LPP: variants seen among roughly 807,000 people sequenced by gnomAD.
LPP encodes the protein lipoma-preferred partner.
Under a neutral mutation model 60.4 loss-of-function variants are expected in LPP, and 38 were observed. The observed-to-expected ratio is 0.63, with a 90% CI of 0.49 to 0.83. LPP has a LOEUF of 0.83. LPP is among the 40% of genes least tolerant of loss of function. The pLI is 0.00. For synonymous variants in LPP, 328 were observed against 290.8 expected (o/e 1.13, Z -1.30); for missense variants, 902 against 783.6 (o/e 1.15, Z -1.80).
chr3:188,818,088 C>T (rs537504458), intron 9 of LPP, among the ~76,000 whole-genome samples: 159 of 152,236 alleles, frequency 1.0e-3, no homozygotes, highest in Non-Finnish European at 1.3e-3. Flanking sequence ...TTAGAAGTAA[C>T]GGGTGCATAT....
chr3:188,335,477 T>G (rs1287342233), intron 2 of LPP, among the ~76,000 whole-genome samples: 1 of 152,210 alleles, frequency 6.6e-6, no homozygotes, highest in African/African-American at 2.4e-5. Context: ...TCATCAGAGA[T>G]CCTGGCCTAT....
intron 3 of LPP, among the ~76,000 whole-genome samples, chr3:188,371,854 C>T (rs1437989064): frequency 2.7e-5 from 4 of 150,692 alleles, no homozygotes; most frequent in Non-Finnish European, 4.4e-5. Context: ...GACGGGGTTT[C>T]GCCATGTTGG....
At chr3:188,525,414 A>G (rs1034176168) in intron 6 of LPP, among the ~76,000 whole-genome samples, 6 of 152,230 alleles carry the variant, frequency 3.9e-5, no homozygotes, top group Non-Finnish European at 7.3e-5. Flanking sequence ...CAAAAATGTT[A>G]TATAAAAAAG....
At chr3:188,169,663 T>TTCC (rs1720981940) in intron 1 of LPP, among the ~76,000 whole-genome samples, 1 of 152,200 alleles carries the variant, frequency 6.6e-6, no homozygotes, top group Non-Finnish European at 1.5e-5. Flanking sequence ...GAAGGTTTGT[T>TTCC]TCCCAAAGTT....
At chr3:188,394,089 G>T (rs1436230677) in intron 3 of LPP, among the ~76,000 whole-genome samples, 2 of 152,154 alleles carry the variant, frequency 1.3e-5, no homozygotes, top group Non-Finnish European at 2.9e-5. Flanking sequence ...CTACTGGTTT[G>T]AGACTTAAAA....
intron 7 of LPP, among the ~76,000 whole-genome samples, chr3:188,660,905 G>A (rs972706962): frequency 2.6e-5 from 4 of 152,108 alleles, no homozygotes; most frequent in Non-Finnish European, 1.5e-5. Flanking sequence ...TGTACATGTT[G>A]TGGGCTTTGA....
At position 188,532,246 on chromosome 3, in the gene LPP, A is replaced by AAAACAAACAAAC. The variant is rs112631541; in HGVS notation, c.429+7475_429+7486dup. Among the ~76,000 whole-genome samples the AAAACAAACAAAC allele has an allele frequency of 2.4e-3, 357 of 151,914 alleles. 2 individuals are homozygous for AAAACAAACAAAC. Among genetic ancestry groups the AAAACAAACAAAC allele is most frequent in the African/African-American group, 8.3e-3 (342 of 41,332 alleles). On this transcript the variant is annotated intron_variant, in intron 6 of 11. Transcript: ENST00000617246. Reference sequence around the variant, plus strand: ...ACATGGCGAAACCCCAGCTCTACTAAAAACAAACAAACAAACAAACAAACA... The same window carrying AAAACAAACAAAC: ...ACATGGCGAAACCCCAGCTCTACTAAAAACAAACAAACAAACAAACAAACAAACAAACAAACA...
chr3:188,856,472 G>T (rs59806542), intron 9 of LPP, among the ~76,000 whole-genome samples: 4,022 of 152,248 alleles, frequency 0.026, 156 homozygotes, highest in African/African-American at 0.092. Context: ...CCAAGATGTA[G>T]GGTCGATCCT....
intron 7 of LPP, among the ~76,000 whole-genome samples, chr3:188,621,314 C>A (rs558212911): frequency 2.0e-5 from 3 of 152,052 alleles, no homozygotes; most frequent in African/African-American, 7.2e-5. Context: ...CAGACTGTGC[C>A]CTCTCCCTTC....
chr3:188,357,144 A>G (rs1334511842), intron 3 of LPP, among the ~76,000 whole-genome samples: 1 of 152,256 alleles, frequency 6.6e-6, no homozygotes, highest in Non-Finnish European at 1.5e-5. Context: ...GGTAGAGACT[A>G]TAAGAAGAAC....
At chr3:188,183,353 CTGCTGTGACATCTGGTGTCT>C in intron 1 of LPP, among the ~76,000 whole-genome samples, 1 of 152,336 alleles carries the variant, frequency 6.6e-6, no homozygotes, top group East Asian at 1.9e-4. Flanking sequence ...ACCCAGGCAG[CTGCTGTGACATCTGGTGTCT>C]TCCTTTATCT....
chr3:188,817,817 A>G (rs1193126494), intron 9 of LPP, among the ~76,000 whole-genome samples: 6 of 152,244 alleles, frequency 3.9e-5, no homozygotes, highest in Non-Finnish European at 5.9e-5. Flanking sequence ...ACTACAGGGC[A>G]AGGAAATGTC....
rs544850072 is a variant in LPP at position 188,608,404 on chromosome 3, TC to T, written c.430-754del. 1.1e-3 allele frequency among the ~76,000 whole-genome samples: 170 copies of T among 152,306 alleles called. 1 individual carries two copies. The highest frequency in any genetic ancestry group is 4.0e-3 in the African/African-American group (168 of 41,566). On this transcript the variant is annotated intron_variant, in intron 6 of 11. Transcript: ENST00000617246. ...TTCTTTTGTATGTGTATTTCTAGTT[TC>T]CCTAACATCATCTATTGAAGAAATT...
At chr3:188,413,111 G>A (rs1346047198) in intron 4 of LPP, among the ~76,000 whole-genome samples, 1 of 152,130 alleles carries the variant, frequency 6.6e-6, no homozygotes, top group Admixed American at 6.6e-5. Flanking sequence ...GGGTAGGCAG[G>A]ACACATTTGT....
chr3:188,396,720 A>T (rs192349340), intron 3 of LPP, among the ~76,000 whole-genome samples: 16 of 152,294 alleles, frequency 1.1e-4, no homozygotes, highest in African/African-American at 3.8e-4. Flanking sequence ...AGATTTACTG[A>T]ACTCAAAGAG....
At chr3:188,262,447 CATTTT>C (rs1733997312) in intron 2 of LPP, among the ~76,000 whole-genome samples, 1 of 151,870 alleles carries the variant, frequency 6.6e-6, no homozygotes, top group South Asian at 2.1e-4. Context: ...ACTACTGTGA[CATTTT>C]ATTTGTAGAA....
rs1033375251 is a variant in LPP, at chr3:188,574,178, AC to A, written c.430-34980del. Among the ~76,000 whole-genome samples the A allele has an allele frequency of 4.6e-5, 7 of 152,206 alleles. No homozygotes were observed. In the East Asian group the frequency reaches 5.8e-4, roughly 13 times the overall value. ...TTTCCTCTTCAGTGGCATCCAGAGGACCCTGGGTCACTTCACCTCTCTGTCT... is the reference window on the plus strand; with the variant it reads ...TTTCCTCTTCAGTGGCATCCAGAGGACCTGGGTCACTTCACCTCTCTGTCT... On this transcript the variant is annotated intron_variant, in intron 6 of 11. Coordinates refer to ENST00000617246, the MANE Select transcript of LPP (RefSeq NM_001375462.1).
intron 9 of LPP, among the ~76,000 whole-genome samples, chr3:188,830,885 C>G (rs1386473970): frequency 6.6e-6 from 1 of 152,168 alleles, no homozygotes; most frequent in African/African-American, 2.4e-5. Context: ...TTGAGTCCAG[C>G]TGACTGTTGC....
chr3:188,310,806 T>A, intron 2 of LPP, among the ~76,000 whole-genome samples: 1 of 152,168 alleles, frequency 6.6e-6, no homozygotes, highest in East Asian at 1.9e-4. Context: ...ATGTGTGTGG[T>A]TGAGCAGAGC....
Sources: gnomAD v4.1 joint callset for allele counts (sites outside exome capture counted in the v4.1 genomes callset) on GRCh38, gnomAD v4.1.1 for gene constraint, MANE v1.5 for transcripts, NCBI Gene and HGNC (gene_info 2026-07-23, HGNC 2026-07-21) for gene names.